PHAX: variants seen among roughly 807,000 people sequenced by gnomAD.
PHAX encodes the protein phosphorylated adapter RNA export protein.
PHAX carries 31 observed loss-of-function variants against 41.6 expected under a neutral mutation model. The ratio of observed to expected loss-of-function variants is 0.75; its 90% CI spans 0.56 to 1.01. PHAX has a LOEUF of 1.01. Among genes scored for constraint, PHAX ranks in the 50% least tolerant of loss-of-function variants. The pLI, the probability that PHAX is intolerant of heterozygous loss-of-function variation, is 0.00. For missense variants in PHAX, 453 were observed against 472.9 expected (o/e 0.96, Z 0.39); for synonymous variants, 175 against 164.9 (o/e 1.06, Z -0.47).
rs2112840156 is a variant in PHAX, at chr5:126,624,845, G to C, written c.*1G>C. The C allele has an allele frequency of 6.2e-7, 1 of 1,600,116 alleles. No individual in the cohort carries two copies. The highest frequency in any genetic ancestry group is 2.2e-5 in the East Asian group (1 of 44,764). On this transcript the variant is annotated 3_prime_UTR_variant, in exon 5 of 5. Coordinates refer to ENST00000297540, the MANE Select transcript of PHAX (RefSeq NM_032177.4). ...TTCTCATGATTTGGACATCTTTTAA[G>C]TACATTTTCAACAGTTTGAGGACTA...
chr5:126,604,511 C>T (rs191756917), intron 2 of PHAX, among the ~76,000 whole-genome samples: 39 of 152,154 alleles, frequency 2.6e-4, no homozygotes, highest in Non-Finnish European at 4.9e-4. Flanking sequence ...GGGATCCACC[C>T]GCCTTTGCCT....
chr5:126,607,286 C>G (rs965171781), intron 2 of PHAX, among the ~76,000 whole-genome samples: 10 of 151,970 alleles, frequency 6.6e-5, no homozygotes, highest in Non-Finnish European at 1.3e-4. Flanking sequence ...TAATATTAGA[C>G]CTGGAGTTAA....
intron 2 of PHAX, among the ~76,000 whole-genome samples, chr5:126,605,177 T>G (rs944969473): frequency 2.6e-5 from 4 of 152,030 alleles, no homozygotes; most frequent in Non-Finnish European, 5.9e-5. Context: ...TTTTTTTTTT[T>G]TTTTAAGAGA....
At chr5:126,619,774 A>G (rs1288195362) in intron 4 of PHAX, among the ~76,000 whole-genome samples, 1 of 152,180 alleles carries the variant, frequency 6.6e-6, no homozygotes, top group African/African-American at 2.4e-5. Flanking sequence ...CTTCTACAGT[A>G]TGGATTTTTC....
In PHAX at chr5:126,627,015, G is replaced by A. The variant is rs539843880; in HGVS notation, c.*2171G>A. On this transcript the variant is annotated 3_prime_UTR_variant, in exon 5 of 5. Coordinates refer to ENST00000297540, the MANE Select transcript of PHAX (RefSeq NM_032177.4). ...TTAGACATTCCAAGAGTTAACTATA[G>A]TTTACAAAAATATATTAAGCAAAAA... 1 of 152,224 alleles carries A rather than the reference G, an allele frequency of 6.6e-6. No individual in the cohort carries two copies. The highest frequency in any genetic ancestry group is 2.4e-5 in the African/African-American group (1 of 41,528). 9.4% of individuals were successfully genotyped at this position (152,224 alleles called of 1,614,324 possible).
chr5:126,622,539 C>G (rs1456630466), intron 4 of PHAX, among the ~76,000 whole-genome samples: 1 of 148,372 alleles, frequency 6.7e-6, no homozygotes, highest in Non-Finnish European at 1.5e-5. Context: ...GTGATCTGAC[C>G]ACCTCGGCCT....
rs187011657 is a variant in PHAX at position 126,604,216 on chromosome 5, C to A, written c.710+33C>A. 6.3e-5 allele frequency: 94 copies of A among 1,491,330 alleles called. 2 individuals carry two copies. In the East Asian group the frequency reaches 1.5e-3, roughly 24 times the overall value. 92.4% of individuals were successfully genotyped at this position (1,491,330 alleles called of 1,614,324 possible). On this transcript the variant is annotated intron_variant, in intron 2 of 4. Coordinates refer to ENST00000297540, the MANE Select transcript of PHAX (RefSeq NM_032177.4). Reference sequence around the variant, plus strand: ...TTTGAATTACAAATAAGTACTTGACCAGATGGCTTCTATTTACAGGAAATA... The same window carrying A: ...TTTGAATTACAAATAAGTACTTGACAAGATGGCTTCTATTTACAGGAAATA...
chr5:126,617,621 G>C (rs1462797418), intron 4 of PHAX, among the ~76,000 whole-genome samples: 1 of 152,154 alleles, frequency 6.6e-6, no homozygotes, highest in African/African-American at 2.4e-5. Flanking sequence ...TGGGATTACA[G>C]GCACATGCCA....
intron 4 of PHAX, 35 bp downstream of exon 4, chr5:126,617,368 A>G: frequency 7.8e-7 from 1 of 1,289,636 alleles, no homozygotes; most frequent in Non-Finnish European, 1.1e-6. Flanking sequence ...AAGCGCCATC[A>G]TAATTTGACT....
At chr5:126,605,035 GA>G (rs1200134872) in intron 2 of PHAX, among the ~76,000 whole-genome samples, 158 of 142,394 alleles carry the variant, frequency 1.1e-3, no homozygotes, top group South Asian at 3.6e-3. Flanking sequence ...CTCCATCTCA[GA>G]AAAAAAAAAA....
intron 3 of PHAX, among the ~76,000 whole-genome samples, chr5:126,609,044 C>T (rs1034174429): frequency 3.3e-5 from 5 of 150,038 alleles, no homozygotes; most frequent in South Asian, 2.1e-4. Flanking sequence ...AGCCTGTTGC[C>T]GTATAGTCAC....
chr5:126,619,515 G>A (rs1021207049), intron 4 of PHAX, among the ~76,000 whole-genome samples: 5 of 150,906 alleles, frequency 3.3e-5, no homozygotes, highest in African/African-American at 4.9e-5. Context: ...GGTGGACGTC[G>A]CAGTAAGCCG....
At chr5:126,615,104 C>T (rs181626131) in intron 3 of PHAX, among the ~76,000 whole-genome samples, 2 of 150,932 alleles carry the variant, frequency 1.3e-5, no homozygotes, top group African/African-American at 4.8e-5. Flanking sequence ...CTATTCTATA[C>T]CTTGCTTTTT....
chr5:126,621,698 G>GA (rs1752275039), intron 4 of PHAX, among the ~76,000 whole-genome samples: 1 of 150,990 alleles, frequency 6.6e-6, no homozygotes, highest in Non-Finnish European at 1.5e-5. Flanking sequence ...TTTTCTGAAG[G>GA]AAAAAAGCAA....
At chr5:126,607,965 G>A (rs370869255) in intron 2 of PHAX, among the ~76,000 whole-genome samples, 4 of 152,114 alleles carry the variant, frequency 2.6e-5, no homozygotes, top group African/African-American at 9.7e-5. Flanking sequence ...CCATTTTAAA[G>A]CTCCAGACAT....
In PHAX at chr5:126,623,435, G is replaced by A. The variant is rs866880009; in HGVS notation, c.916-1140G>A. Among the ~76,000 whole-genome samples, 13 of 152,262 alleles carry A rather than the reference G, an allele frequency of 8.5e-5. 3 individuals carry two copies. In the Middle Eastern group the frequency reaches 0.027, roughly 319 times the overall value. Reference sequence around the variant, plus strand: ...TACCTCATAAGGCTTTTGTGAGGACGAAATGAGTTAATGTGTGTGTAAAGT... The same window carrying A: ...TACCTCATAAGGCTTTTGTGAGGACAAAATGAGTTAATGTGTGTGTAAAGT... On this transcript the variant is annotated intron_variant, in intron 4 of 4. Transcript: ENST00000297540.
intron 3 of PHAX, among the ~76,000 whole-genome samples, chr5:126,609,749 T>C (rs1752051849): frequency 6.6e-6 from 1 of 152,020 alleles, no homozygotes; most frequent in South Asian, 2.1e-4. Context: ...TTTTGTTTGT[T>C]TGTTTTTTGA....
At chr5:126,616,047 CTTTT>C in intron 3 of PHAX, among the ~76,000 whole-genome samples, 1 of 123,770 alleles carries the variant, frequency 8.1e-6, no homozygotes, top group East Asian at 2.3e-4. Flanking sequence ...CAACCACCAA[CTTTT>C]TTTTTTTTTT....
Position 126,627,124 on chromosome 5 carries a change from T to C in PHAX, c.*2280T>C, listed in dbSNP as rs1231995544. 1.3e-5 allele frequency: 2 copies of C among 152,208 alleles called. No homozygotes were observed. The highest frequency in any genetic ancestry group is 2.9e-5 in the Non-Finnish European group (2 of 68,042). 9.4% of individuals were successfully genotyped at this position (152,208 alleles called of 1,614,324 possible). On this transcript the variant is annotated 3_prime_UTR_variant, in exon 5 of 5. Transcript: ENST00000297540. ...ATTATAAACTGTTCCTTACAGACAG[T>C]GTACTTGAAGTCTTTTGGTAGTTCT...
Sources: allele counts gnomAD v4.1 joint callset (sites outside exome capture counted in the v4.1 genomes callset), GRCh38; gene constraint gnomAD v4.1.1; transcripts MANE v1.5; gene names NCBI Gene and HGNC (gene_info 2026-07-23, HGNC 2026-07-21).